The following PREX2 variants were observed in gnomAD, a reference collection of about 807,000 sequenced individuals.
PREX2 encodes phosphatidylinositol 3,4,5-trisphosphate-dependent Rac exchanger 2 protein.
Under a neutral mutation model 203.2 loss-of-function variants are expected in PREX2, and 107 were observed. That is an observed-to-expected ratio of 0.53 (90% confidence interval 0.45 to 0.62). The LOEUF (loss-of-function observed/expected upper bound fraction) is 0.62, where lower values mean the gene tolerates loss of function less well. Ranked by LOEUF, PREX2 falls within the 20% of genes least tolerant of loss-of-function variation. The probability of loss-of-function intolerance (pLI) is 0.00; values close to 1 mark genes in which losing one functional copy is unlikely to be tolerated. For synonymous variants in PREX2, 672 were observed against 663.6 expected, an observed-to-expected ratio of 1.01 and a Z score of -0.19; for missense variants, 1,777 against 1,955.9, an observed-to-expected ratio of 0.91 and a Z score of 1.72.
At chr8:68,133,999 A>T (rs1811059400) in intron 31 of PREX2, 60 bp from the exon 32 acceptor site, 2 of 1,336,832 alleles carry the variant, frequency 1.5e-6, no homozygotes, top group East Asian at 2.3e-5. Context: ...TGCTGAACGC[A>T]TTGGTTTTCA....
intron 39 of PREX2, among the ~76,000 whole-genome samples, chr8:68,227,984 T>C (rs1813085068): frequency 6.6e-6 from 1 of 152,152 alleles, no homozygotes; most frequent in South Asian, 2.1e-4. Context: ...GGATGAGAAA[T>C]GCTTCATGCA....
chr8:68,088,244 T>A (rs1308083769), intron 19 of PREX2, among the ~76,000 whole-genome samples: 1 of 152,194 alleles, frequency 6.6e-6, no homozygotes, highest in African/African-American at 2.4e-5. Flanking sequence ...AATCCCATCA[T>A]AAGATGCATT....
intron 35 of PREX2, among the ~76,000 whole-genome samples, chr8:68,170,295 C>A (rs1811850189): frequency 6.6e-6 from 1 of 152,218 alleles, no homozygotes; most frequent in Non-Finnish European, 1.5e-5. Context: ...GGAGAGGCCA[C>A]TGAAGGGTTT....
At chr8:68,045,549 A>G (rs914923667) in intron 8 of PREX2, among the ~76,000 whole-genome samples, 5 of 152,064 alleles carry the variant, frequency 3.3e-5, no homozygotes, top group Non-Finnish European at 7.4e-5. Flanking sequence ...ATCCGAATAA[A>G]TTGTCAGGTA....
chr8:68,043,353 T>C (rs905904523), intron 7 of PREX2, among the ~76,000 whole-genome samples: 1 of 152,024 alleles, frequency 6.6e-6, no homozygotes, highest in Admixed American at 6.6e-5. Context: ...CTACTAAGTT[T>C]GGATGAGGCT....
chr8:68,152,060 T>C (rs991365278), intron 34 of PREX2, among the ~76,000 whole-genome samples: 2 of 151,052 alleles, frequency 1.3e-5, no homozygotes, highest in South Asian at 2.1e-4. Context: ...GAGGCTGAGG[T>C]GGGTGGATCA....
rs148384312 is a variant in PREX2, at chr8:68,024,653, G to A, written c.441+2513G>A. ...TTGTTTTTAATGTAATTATTGATAT[G>A]ATGGTATTTACATGTGCCATTTTAT... On this transcript the variant is annotated intron_variant, in intron 4 of 39. Transcript: ENST00000288368. Among the ~76,000 whole-genome samples, 225 of 151,990 alleles carry A rather than the reference G, an allele frequency of 1.5e-3. 2 individuals are homozygous for A. Among genetic ancestry groups the A allele is most frequent in the Middle Eastern group, 0.014 (4 of 294 alleles).
chr8:67,980,781 T>C (rs747487114), intron 1 of PREX2, among the ~76,000 whole-genome samples: 26 of 152,246 alleles, frequency 1.7e-4, no homozygotes, highest in Non-Finnish European at 3.4e-4. Context: ...AATTTCTTGC[T>C]GCTGCTATGT....
rs550512024 is a variant in PREX2, at chr8:68,006,376, A to AT, written c.142-11464dup. On this transcript the variant is annotated intron_variant, in intron 1 of 39. Coordinates refer to ENST00000288368, the MANE Select transcript of PREX2 (RefSeq NM_024870.4). ...TATCCTCAGTCTTGATTTTTATTCC[A>AT]TTTTTTATTAGGCCTGGGGCTGAAA... Among the ~76,000 whole-genome samples the AT allele has an allele frequency of 1.7e-3, 259 of 152,258 alleles. 3 individuals are homozygous for AT. Among genetic ancestry groups the AT allele is most frequent in the African/African-American group, 6.1e-3 (252 of 41,550 alleles).
intron 35 of PREX2, among the ~76,000 whole-genome samples, chr8:68,179,649 A>G (rs561436186): frequency 4.7e-4 from 72 of 152,282 alleles, no homozygotes; most frequent in Admixed American, 2.0e-3. Flanking sequence ...ACTCCTGAGT[A>G]CTAGATGCAT....
chr8:68,035,369 C>T (rs903639068), intron 6 of PREX2, among the ~76,000 whole-genome samples: 3 of 152,102 alleles, frequency 2.0e-5, no homozygotes, highest in African/African-American at 4.8e-5. Flanking sequence ...GCATCTAGCT[C>T]GGTTAGATCT....
At chr8:68,109,030 G>C (rs1168879740) in intron 24 of PREX2, 1 of 453,446 alleles carries the variant, frequency 2.2e-6, no homozygotes, top group Non-Finnish European at 4.4e-6. Context: ...AGAATGGTGA[G>C]TAGCAGGGCC....
intron 1 of PREX2, among the ~76,000 whole-genome samples, chr8:67,985,507 C>G (rs373923076): frequency 9.9e-5 from 15 of 152,058 alleles, no homozygotes; most frequent in African/African-American, 3.1e-4. Context: ...AAAGGTAGTT[C>G]TCTTTGGTCT....
chr8:67,960,223 G>A (rs974270119), intron 1 of PREX2, among the ~76,000 whole-genome samples: 1 of 152,012 alleles, frequency 6.6e-6, no homozygotes, highest in South Asian at 2.1e-4. Flanking sequence ...TTCTAATTTA[G>A]TAGAGACGGG....
At chr8:68,217,777 T>G in intron 38 of PREX2, 59 bp downstream of exon 38, 1 of 1,232,584 alleles carries the variant, frequency 8.1e-7, no homozygotes, top group South Asian at 1.3e-5. Flanking sequence ...TGAAGATTCC[T>G]TTGTTCATTT....
At chr8:68,210,554 C>G (rs1812722931) in intron 37 of PREX2, among the ~76,000 whole-genome samples, 1 of 152,126 alleles carries the variant, frequency 6.6e-6, no homozygotes, top group Non-Finnish European at 1.5e-5. Context: ...TCTGGTTTCC[C>G]ATGTCATTTC....
intron 1 of PREX2, among the ~76,000 whole-genome samples, chr8:67,955,073 G>A (rs549880365): frequency 4.2e-4 from 63 of 150,450 alleles, no homozygotes; most frequent in African/African-American, 1.5e-3. Flanking sequence ...GAACCTGGGA[G>A]GTGGAGGTTG....
chr8:68,186,714 A>G (rs1321274623), intron 35 of PREX2, among the ~76,000 whole-genome samples: 1 of 152,182 alleles, frequency 6.6e-6, no homozygotes, highest in African/African-American at 2.4e-5. Context: ...GGGTTTCACC[A>G]TGTTGGTCAG....
rs1182919809 is a variant in PREX2, at chr8:68,233,727, G to A, written c.*2349G>A. 4 of 152,106 alleles carry A rather than the reference G, an allele frequency of 2.6e-5. No individual in the cohort carries two copies. The highest frequency in any genetic ancestry group is 1.5e-5 in the Non-Finnish European group (1 of 68,032). 9.4% of individuals were successfully genotyped at this position (152,106 alleles called of 1,614,324 possible). ...TCTTTTTATCGCGCCCATTTTTAGA[G>A]TTGAGGAACCAAAGCAAAGAATAAC... On this transcript the variant is annotated 3_prime_UTR_variant, in exon 40 of 40. Transcript: ENST00000288368.
Sources: gnomAD v4.1 joint callset for allele counts (sites outside exome capture counted in the v4.1 genomes callset) on GRCh38, gnomAD v4.1.1 for gene constraint, MANE v1.5 for transcripts, NCBI Gene and HGNC (gene_info 2026-07-23, HGNC 2026-07-21) for gene names.